PCDH17: variants seen among roughly 807,000 people sequenced by gnomAD.
PCDH17 encodes the protein protocadherin 17.
A neutral mutation model predicts 67.7 loss-of-function variants in PCDH17; 21 were observed. That is an observed-to-expected ratio of 0.31 (90% CI 0.22 to 0.45). The LOEUF (loss-of-function observed/expected upper bound fraction) is 0.45. PCDH17 is among the 20% of genes least tolerant of loss of function. PCDH17 has a pLI of 1.00. For missense variants in PCDH17, 1,471 were observed against 1,564.8 expected (o/e 0.94, Z 1.01); for synonymous variants, 701 against 656.7 (o/e 1.07, Z -1.03).
At chr13:57,686,303 G>T (rs576827176) in intron 3 of PCDH17, among the ~76,000 whole-genome samples, 3 of 151,968 alleles carry the variant, frequency 2.0e-5, no homozygotes, top group East Asian at 1.9e-4. Context: ...AATTACTAAC[G>T]TTAGCAGAAA....
chr13:57,675,314 G>A (rs1486218458), intron 3 of PCDH17, among the ~76,000 whole-genome samples: 1 of 151,848 alleles, frequency 6.6e-6, no homozygotes, highest in Non-Finnish European at 1.5e-5. Flanking sequence ...TTTCCTTAGT[G>A]TTGTAAGGAA....
At chr13:57,652,284 CAAAA>C (rs11435613) in intron 1 of PCDH17, among the ~76,000 whole-genome samples, 1 of 117,258 alleles carries the variant, frequency 8.5e-6, no homozygotes. Flanking sequence ...GACTCCGTCT[CAAAA>C]AAAAAAAAAA....
chr13:57,719,561 A>G lies in PCDH17; in HGVS notation c.2798-5051A>G, dbSNP rs1388591556. On this transcript the variant is annotated intron_variant, in intron 3 of 3. Transcript: ENST00000377918. ...ATGTAAGTTCCCAAAGCACCAAGTA[A>G]GTCTGAAACTCAGGGGAGGAAATCC... Among the ~76,000 whole-genome samples, 3 of 152,040 alleles carry G rather than the reference A, an allele frequency of 2.0e-5. No homozygotes were observed. The East Asian group carries it at 5.8e-4, about 29-fold the overall frequency.
intron 3 of PCDH17, among the ~76,000 whole-genome samples, chr13:57,676,149 T>G (rs1218295789): frequency 1.3e-5 from 2 of 151,844 alleles, no homozygotes; most frequent in Non-Finnish European, 2.9e-5. Context: ...TCTCTTAATG[T>G]CTGATGCTTA....
At chr13:57,723,315 G>A (rs1243228586) in intron 3 of PCDH17, among the ~76,000 whole-genome samples, 1 of 151,990 alleles carries the variant, frequency 6.6e-6, no homozygotes, top group African/African-American at 2.4e-5. Flanking sequence ...AACCTTTTGA[G>A]ATAAAACAGA....
At chr13:57,720,385 C>G (rs1473582255) in intron 3 of PCDH17, among the ~76,000 whole-genome samples, 2 of 151,840 alleles carry the variant, frequency 1.3e-5, no homozygotes, top group African/African-American at 2.4e-5. Context: ...TAAAATGTTG[C>G]TTATTGGTGC....
At chr13:57,680,975 T>A (rs75721261) in intron 3 of PCDH17, among the ~76,000 whole-genome samples, 6,991 of 151,870 alleles carry the variant, frequency 0.046, 206 homozygotes, top group Middle Eastern at 0.095. Context: ...AAAGATCAGC[T>A]AGTAATAATT....
intron 1 of PCDH17, among the ~76,000 whole-genome samples, chr13:57,653,203 G>T (rs1449860328): frequency 6.6e-6 from 1 of 151,894 alleles, no homozygotes; most frequent in Non-Finnish European, 1.5e-5. Flanking sequence ...TTTAATCATA[G>T]AACTGGCTCT....
At chr13:57,653,209 G>A (rs1593903041) in intron 1 of PCDH17, among the ~76,000 whole-genome samples, 1 of 151,850 alleles carries the variant, frequency 6.6e-6, no homozygotes, top group South Asian at 2.1e-4. Context: ...CATAGAACTG[G>A]CTCTGATTAT....
intron 1 of PCDH17, among the ~76,000 whole-genome samples, chr13:57,637,162 T>C (rs1042190637): frequency 2.0e-5 from 3 of 152,110 alleles, no homozygotes; most frequent in African/African-American, 7.2e-5. Context: ...TTTAACATTC[T>C]GTTTCTTCTA....
At position 57,633,301 on chromosome 13, in the gene PCDH17, T is replaced by C; in HGVS notation, c.755T>C (p.Leu252Pro). 1 of 1,613,330 alleles carries C rather than the reference T, an allele frequency of 6.2e-7. No individual in the cohort carries two copies. The highest frequency in any genetic ancestry group is 8.5e-7 in the Non-Finnish European group (1 of 1,180,018). ...GAGGCGCCATCCTACTTGGTGGAACTGCCCGAGAACGCTCCGCTGGGTACA... is the reference window on the plus strand; with the variant it reads ...GAGGCGCCATCCTACTTGGTGGAACCGCCCGAGAACGCTCCGCTGGGTACA... ...VFEAPSYLVELPENAPLGTVV... is the reference protein window; with the variant it reads ...VFEAPSYLVEPPENAPLGTVV... The change falls in exon 1 of 4, where the codon CTG (leucine) becomes CCG (proline). Residue 252 changes from leucine (L) to proline (P), a missense_variant. Coordinates refer to ENST00000377918, the MANE Select transcript of PCDH17 (RefSeq NM_001040429.3). The surrounding 1 kb of genome is among the most constrained non-coding windows in gnomAD (Gnocchi z 6.2).
At position 57,666,940 on chromosome 13, in the gene PCDH17, T is replaced by C. The variant is rs529708842; in HGVS notation, c.2797+107T>C. 141 of 801,186 alleles carry C rather than the reference T, an allele frequency of 1.8e-4. 1 individual carries two copies. In the South Asian group the frequency reaches 5.5e-3, roughly 31 times the overall value. 49.6% of individuals were successfully genotyped at this position (801,186 alleles called of 1,614,324 possible). On this transcript the variant is annotated intron_variant, in intron 3 of 3. Coordinates refer to ENST00000377918, the MANE Select transcript of PCDH17 (RefSeq NM_001040429.3). ...TCACAGTGGAATGGACCATTTATAATATATCAAAGAAACAGCAAATCTTGA... is the reference window on the plus strand; with the variant it reads ...TCACAGTGGAATGGACCATTTATAACATATCAAAGAAACAGCAAATCTTGA...
chr13:57,724,802 G>A lies in PCDH17; in HGVS notation c.2988G>A (p.Lys996=), dbSNP rs751121813. 1 of 1,614,168 alleles carries A rather than the reference G, an allele frequency of 6.2e-7. No homozygotes were observed. The highest frequency in any genetic ancestry group is 2.2e-5 in the East Asian group (1 of 44,864). The change falls in exon 4 of 4, where the codon AAG becomes AAA. Residue 996 remains lysine, a synonymous_variant. Transcript: ENST00000377918. The part of the protein sequence containing the change: ...TYETVNPTGK[K]TFCTFGKDKR... Reference sequence around the variant, plus strand: ...AAACTGTGAATCCCACTGGGAAAAAGACTTTTTGTACATTTGGAAAAGACA... The same window carrying A: ...AAACTGTGAATCCCACTGGGAAAAAAACTTTTTGTACATTTGGAAAAGACA...
At chr13:57,671,870 T>C (rs1275933681) in intron 3 of PCDH17, among the ~76,000 whole-genome samples, 1 of 151,986 alleles carries the variant, frequency 6.6e-6, no homozygotes, top group African/African-American at 2.4e-5. Flanking sequence ...CCCTTTTGGG[T>C]GGCCGGCCGT....
intron 1 of PCDH17, among the ~76,000 whole-genome samples, chr13:57,641,516 C>T (rs1428422067): frequency 7.8e-6 from 1 of 128,908 alleles, no homozygotes; most frequent in Admixed American, 9.1e-5. Context: ...CCAAGTTCTT[C>T]CGGGGATAGA....
At chr13:57,669,404 T>C (rs1406431507) in intron 3 of PCDH17, among the ~76,000 whole-genome samples, 2 of 151,946 alleles carry the variant, frequency 1.3e-5, no homozygotes, top group Non-Finnish European at 2.9e-5. Flanking sequence ...CCTCCTTTGC[T>C]TTCTCTCCTC....
At chr13:57,669,256 T>C (rs1955292498) in intron 3 of PCDH17, among the ~76,000 whole-genome samples, 1 of 152,118 alleles carries the variant, frequency 6.6e-6, no homozygotes, top group South Asian at 2.1e-4. Context: ...GCTTTGAATA[T>C]GTAAGGAAAC....
At chr13:57,675,900 A>T (rs1386601324) in intron 3 of PCDH17, among the ~76,000 whole-genome samples, 1 of 151,908 alleles carries the variant, frequency 6.6e-6, no homozygotes, top group East Asian at 1.9e-4. Flanking sequence ...GGCAAGAGAA[A>T]ATGAGGCCCA....
At chr13:57,689,776 A>G (rs1046787974) in intron 3 of PCDH17, among the ~76,000 whole-genome samples, 2 of 151,888 alleles carry the variant, frequency 1.3e-5, no homozygotes, top group African/African-American at 2.4e-5. Flanking sequence ...AGTCATGTTC[A>G]ACTCCGTATT....
Sources: allele counts gnomAD v4.1 joint callset (sites outside exome capture counted in the v4.1 genomes callset), GRCh38; gene constraint gnomAD v4.1.1; non-coding constraint Gnocchi (gnomAD v3.1); transcripts MANE v1.5; gene names NCBI Gene and HGNC (gene_info 2026-07-23, HGNC 2026-07-21).